The following RBPJ variants were observed in gnomAD, a reference collection of about 807,000 sequenced individuals.
RBPJ encodes the protein recombination signal binding protein for immunoglobulin kappa J region, also known as recombining binding protein suppressor of hairless.
RBPJ carries 9 observed loss-of-function variants against 67.8 expected under a neutral mutation model. The observed-to-expected ratio is 0.13, with a 90% CI of 0.08 to 0.23. RBPJ has a LOEUF of 0.23. RBPJ is among the 10% of genes least tolerant of loss of function. RBPJ has a pLI of 1.00. For missense variants in RBPJ, 305 were observed against 595.6 expected, an observed-to-expected ratio of 0.51 and a Z score of 5.08; for synonymous variants, 198 against 203.3, an observed-to-expected ratio of 0.97 and a Z score of 0.22.
chr4:26,241,415 T>C (rs936746665), intron 1 of RBPJ, among the ~76,000 whole-genome samples: 3 of 152,012 alleles, frequency 2.0e-5, no homozygotes, highest in Non-Finnish European at 4.4e-5. Flanking sequence ...AACTCAGAGG[T>C]TGAGGAACAG....
intron 1 of RBPJ, among the ~76,000 whole-genome samples, chr4:26,215,402 G>C (rs1184355854): frequency 1.8e-5 from 2 of 108,558 alleles, no homozygotes; most frequent in Non-Finnish European, 3.6e-5. Flanking sequence ...AGGAAGGAAG[G>C]GGGGGGAAGG....
the RBPJ span, among the ~76,000 whole-genome samples, chr4:26,138,557 A>G: frequency 6.6e-6 from 1 of 152,200 alleles, no homozygotes; most frequent in African/African-American, 2.4e-5. Flanking sequence ...CAGATAATCA[A>G]GAGTTGGCTG....
chr4:26,320,366 C>T (rs1577427186), upstream of RBPJ, among the ~76,000 whole-genome samples: 1 of 152,292 alleles, frequency 6.6e-6, no homozygotes, highest in Admixed American at 6.5e-5. Context: ...TTGAGGAGCT[C>T]TGGAAGGGCC....
In RBPJ at chr4:26,430,669, A is replaced by G. The variant is rs755535293; in HGVS notation, c.1149-23A>G. 8.1e-6 allele frequency: 13 copies of G among 1,608,622 alleles called. No individual in the cohort carries two copies. In the South Asian group the frequency reaches 1.3e-4, roughly 16 times the overall value. ...TACTTTGCTTTTTAAAGTGTTTTTA[A>G]GTGATTTCTATTTCCTCCTCAGGTG... is the stretch of plus-strand genomic sequence containing the variant. On this transcript the variant is annotated intron_variant, in intron 10 of 10. Coordinates refer to ENST00000355476, the MANE Select transcript of RBPJ (RefSeq NM_015874.6). The surrounding 1 kb of genome is among the most constrained non-coding windows in gnomAD (Gnocchi z 4.1).
chr4:26,216,868 T>A (rs1194439123), intron 1 of RBPJ, among the ~76,000 whole-genome samples: 1 of 152,110 alleles, frequency 6.6e-6, no homozygotes, highest in Admixed American at 6.5e-5. Flanking sequence ...GAGGCTACAG[T>A]GAGCCATGAC....
At chr4:26,108,357 G>T in the RBPJ span, among the ~76,000 whole-genome samples, 1 of 152,224 alleles carries the variant, frequency 6.6e-6, no homozygotes, top group Admixed American at 6.5e-5. Flanking sequence ...CTGGAAGGCT[G>T]AGAATCAGTG....
the RBPJ span, among the ~76,000 whole-genome samples, chr4:26,124,589 C>T: frequency 6.6e-6 from 1 of 151,410 alleles, no homozygotes; most frequent in Admixed American, 6.6e-5. Flanking sequence ...TTCTTTCCCT[C>T]TGGGTAGATA....
chr4:26,242,460 A>AG (rs1719677135), intron 1 of RBPJ, among the ~76,000 whole-genome samples: 1 of 150,986 alleles, frequency 6.6e-6, no homozygotes, highest in East Asian at 1.9e-4. Context: ...AAAAAAAAAA[A>AG]AGAAAAGAAA....
At chr4:26,386,543 T>A (rs777235777) in intron 2 of RBPJ, 152 bp downstream of exon 2, 1 of 540,942 alleles carries the variant, frequency 1.8e-6, no homozygotes, top group Non-Finnish European at 3.2e-6. Flanking sequence ...TTCCCTCATC[T>A]CTCCTCCCGT....
At chr4:26,194,086 G>C (rs188022697) in intron 1 of RBPJ, among the ~76,000 whole-genome samples, 1 of 152,270 alleles carries the variant, frequency 6.6e-6, no homozygotes, top group Admixed American at 6.5e-5. Context: ...GCAAAGACAC[G>C]GGTAATAGCA....
chr4:26,347,805 T>C (rs1726321143), intron 1 of RBPJ, among the ~76,000 whole-genome samples: 1 of 152,206 alleles, frequency 6.6e-6, no homozygotes, highest in African/African-American at 2.4e-5. Flanking sequence ...TGTAACCTTG[T>C]GCTGCTTCTC....
At position 26,434,496 on chromosome 4, in the gene RBPJ, C is replaced by G. The variant is rs1736500250; in HGVS notation, c.*3489C>G. The G allele has an allele frequency of 6.6e-6, 1 of 152,160 alleles. No homozygotes were observed. The highest frequency in any genetic ancestry group is 2.4e-5 in the African/African-American group (1 of 41,450). 9.4% of individuals were successfully genotyped at this position (152,160 alleles called of 1,614,324 possible). On this transcript the variant is annotated 3_prime_UTR_variant, in exon 11 of 11. Coordinates refer to ENST00000355476, the MANE Select transcript of RBPJ (RefSeq NM_015874.6). ...GAACAAATGTGTGTAATTTTCTGTG[C>G]CAGACTTATGACTTTGTTTTCAAGC...
chr4:26,287,461 G>A lies in RBPJ; in HGVS notation c.-166-74985G>A, dbSNP rs1721504420. Among the ~76,000 whole-genome samples the A allele has an allele frequency of 2.0e-5, 3 of 151,262 alleles. No individual in the cohort carries two copies. The Admixed American group carries it at 2.0e-4, about 10-fold the overall frequency. ...CCAGTTACTCAGAAGGCTCGAGTGG[G>A]AAGATCGCTTGAGTCAGGGAGATGG... is the stretch of plus-strand genomic sequence containing the variant. On this transcript the variant is annotated intron_variant, in intron 1 of 4. Coordinates refer to the RBPJ transcript ENST00000512351.
intron 3 of RBPJ, among the ~76,000 whole-genome samples, chr4:26,409,359 AG>A (rs1272838298): frequency 6.6e-6 from 1 of 152,086 alleles, no homozygotes; most frequent in Non-Finnish European, 1.5e-5. Flanking sequence ...CTGAGGTCCG[AG>A]GTGCCACTGC....
Position 26,264,737 on chromosome 4 carries a change from C to A in RBPJ, c.-166-97709C>A, listed in dbSNP as rs540421885. Reference sequence around the variant, plus strand: ...TGAGTCTCAGCTTAGTTGTCACTTTCTTGGCCCCTCAAGATGACGTTGGTG... The same window carrying A: ...TGAGTCTCAGCTTAGTTGTCACTTTATTGGCCCCTCAAGATGACGTTGGTG... On this transcript the variant is annotated intron_variant, in intron 1 of 4. Transcript: ENST00000512351. This position sits in a 1 kb window ranked among gnomAD's most constrained non-coding sequence, Gnocchi z 4.1. Among the ~76,000 whole-genome samples, 1 of 152,324 alleles carries A rather than the reference C, an allele frequency of 6.6e-6. No individual in the cohort carries two copies. The highest frequency in any genetic ancestry group is 1.9e-4 in the East Asian group (1 of 5,182).
At chr4:26,425,369 A>G (rs945512762) in intron 7 of RBPJ, among the ~76,000 whole-genome samples, 2 of 152,090 alleles carry the variant, frequency 1.3e-5, no homozygotes, top group Non-Finnish European at 2.9e-5. Context: ...GAGAAGGAGA[A>G]GTGACTAGCC....
intron 1 of RBPJ, among the ~76,000 whole-genome samples, chr4:26,384,301 A>G (rs1730596178): frequency 6.6e-6 from 1 of 152,246 alleles, no homozygotes; most frequent in South Asian, 2.1e-4. Context: ...TGAAAATACT[A>G]AAATATTCCA....
At chr4:26,284,095 C>T (rs1721378346) in intron 1 of RBPJ, among the ~76,000 whole-genome samples, 1 of 152,126 alleles carries the variant, frequency 6.6e-6, no homozygotes, top group South Asian at 2.1e-4. Flanking sequence ...ATTGAAAGCA[C>T]CTCTCAAGTT....
intron 1 of RBPJ, among the ~76,000 whole-genome samples, chr4:26,285,886 G>C (rs781176382): frequency 2.0e-5 from 3 of 152,142 alleles, no homozygotes; most frequent in African/African-American, 7.2e-5. Context: ...TACCCACTGA[G>C]AGAGTATTCA....
Sources: allele counts gnomAD v4.1 joint callset (sites outside exome capture counted in the v4.1 genomes callset), GRCh38; gene constraint gnomAD v4.1.1; non-coding constraint Gnocchi (gnomAD v3.1); transcripts MANE v1.5; gene names NCBI Gene and HGNC (gene_info 2026-07-23, HGNC 2026-07-21).